Variants in TMCC3 observed in about 807,000 individuals in gnomAD.
TMCC3 encodes the protein transmembrane and coiled-coil domain family 3, also known as transmembrane and coiled-coil domain protein 3.
In TMCC3, 28 loss-of-function variants were observed where a neutral mutation model predicts 40.2. The ratio of observed to expected loss-of-function variants is 0.70; its 90% confidence interval spans 0.52 to 0.95. The LOEUF is 0.95. TMCC3 is among the 40% of genes least tolerant of loss of function. The probability of loss-of-function intolerance (pLI) is 0.00; values close to 1 mark genes in which losing one functional copy is unlikely to be tolerated. For synonymous variants in TMCC3, 255 were observed against 248.5 expected (o/e 1.03, Z -0.25); for missense variants, 554 against 615.2 (o/e 0.90, Z 1.05).
At chr12:94,578,882 G>C (rs2068583798) in intron 2 of TMCC3, among the ~76,000 whole-genome samples, 1 of 152,152 alleles carries the variant, frequency 6.6e-6, no homozygotes, top group South Asian at 2.1e-4. Flanking sequence ...GCTAAAGGAG[G>C]GCCAGGACCT....
At chr12:94,650,330 GC>G (rs1397132254) in intron 1 of TMCC3, 22 bp downstream of exon 1, 12 of 1,253,104 alleles carry the variant, frequency 9.6e-6, no homozygotes, top group South Asian at 7.9e-5. Flanking sequence ...CGCACCCGCC[GC>G]CCCCCAGCCC....
At chr12:94,624,717 T>TAA (rs199973828) in intron 1 of TMCC3, among the ~76,000 whole-genome samples, 11 of 148,894 alleles carry the variant, frequency 7.4e-5, no homozygotes, top group African/African-American at 1.7e-4. Context: ...GTCTCAAAAT[T>TAA]AAAAAAAAAT....
intron 2 of TMCC3, among the ~76,000 whole-genome samples, chr12:94,579,661 T>A (rs1373066555): frequency 6.6e-6 from 1 of 152,230 alleles, no homozygotes; most frequent in Non-Finnish European, 1.5e-5. Flanking sequence ...CCTGACAGAA[T>A]CATTTTATAA....
At chr12:94,646,895 A>G (rs1044191086) in intron 1 of TMCC3, among the ~76,000 whole-genome samples, 6 of 152,174 alleles carry the variant, frequency 3.9e-5, no homozygotes, top group African/African-American at 1.4e-4. Flanking sequence ...AGAAGCTCGA[A>G]GAGCCAGAAT....
chr12:94,639,165 A>G (rs2138883108), intron 1 of TMCC3, among the ~76,000 whole-genome samples: 1 of 152,364 alleles, frequency 6.6e-6, no homozygotes, highest in Middle Eastern at 3.4e-3. Context: ...GAAATAATAC[A>G]GAGAGAAGCA....
intron 1 of TMCC3, among the ~76,000 whole-genome samples, chr12:94,609,060 T>G (rs946448221): frequency 2.0e-5 from 3 of 151,598 alleles, no homozygotes; most frequent in African/African-American, 7.3e-5. Flanking sequence ...CCCTCCAGTC[T>G]CTACAAAAAA....
At chr12:94,629,753 C>T (rs1197888865) in intron 1 of TMCC3, among the ~76,000 whole-genome samples, 1 of 152,194 alleles carries the variant, frequency 6.6e-6, no homozygotes, top group East Asian at 1.9e-4. Context: ...AACCCTTCCC[C>T]AGACCTGGAG....
intron 1 of TMCC3, among the ~76,000 whole-genome samples, chr12:94,640,340 A>C (rs968578948): frequency 2.6e-5 from 4 of 152,082 alleles, no homozygotes; most frequent in African/African-American, 4.8e-5. Flanking sequence ...TGCATCACCA[A>C]GTCCAGCTAA....
chr12:94,625,147 A>AAAT (rs1414671001), intron 1 of TMCC3, among the ~76,000 whole-genome samples: 2 of 151,516 alleles, frequency 1.3e-5, no homozygotes, highest in Non-Finnish European at 2.9e-5. Flanking sequence ...CATCTCAAAA[A>AAAT]AAAAAAAAAA....
intron 1 of TMCC3, among the ~76,000 whole-genome samples, chr12:94,601,271 T>A (rs2068750733): frequency 6.6e-6 from 1 of 151,682 alleles, no homozygotes; most frequent in African/African-American, 2.4e-5. Context: ...TCCCAACACT[T>A]TGGGAGGCTG....
At chr12:94,625,851 C>T (rs2068901871) in intron 1 of TMCC3, among the ~76,000 whole-genome samples, 2 of 152,068 alleles carry the variant, frequency 1.3e-5, no homozygotes, top group Non-Finnish European at 2.9e-5. Flanking sequence ...AAATTATTAC[C>T]TTTGTATTTT....
rs1040652992 is a variant in TMCC3, at chr12:94,620,448, C to T, written c.78+29905G>A. On this transcript the variant is annotated intron_variant, in intron 1 of 3. Coordinates refer to ENST00000261226, the MANE Select transcript of TMCC3 (RefSeq NM_020698.4). ...GATCACAGGAGCCCACCACCATGCC[C>T]AGCTAATTTTTGTATTTTTAGTAGA... Among the ~76,000 whole-genome samples, 2 of 151,762 alleles carry T rather than the reference C, an allele frequency of 1.3e-5. 1 individual carries two copies. Among genetic ancestry groups the T allele is most frequent in the African/African-American group, 4.8e-5 (2 of 41,348 alleles).
intron 1 of TMCC3, among the ~76,000 whole-genome samples, chr12:94,584,502 G>C (rs993473576): frequency 6.6e-6 from 1 of 151,880 alleles, no homozygotes; most frequent in Non-Finnish European, 1.5e-5. Context: ...TAATGCTCTA[G>C]GTGATCCAGA....
intron 3 of TMCC3, among the ~76,000 whole-genome samples, chr12:94,576,919 T>C (rs2068568693): frequency 6.6e-6 from 1 of 152,154 alleles, no homozygotes; most frequent in African/African-American, 2.4e-5. Flanking sequence ...ATCCTACCCA[T>C]TCCTTCCAGT....
At chr12:94,604,526 C>A (rs557455604) in intron 1 of TMCC3, among the ~76,000 whole-genome samples, 2 of 151,498 alleles carry the variant, frequency 1.3e-5, no homozygotes, top group Non-Finnish European at 2.9e-5. Context: ...TGTAACAAGG[C>A]CAGGCACAGT....
chr12:94,641,022 A>C (rs2068987571), intron 1 of TMCC3, among the ~76,000 whole-genome samples: 2 of 152,208 alleles, frequency 1.3e-5, no homozygotes, highest in African/African-American at 4.8e-5. Flanking sequence ...CAACATGGTG[A>C]AACCCTGTCT....
chr12:94,608,828 C>T (rs1368990955), intron 1 of TMCC3, among the ~76,000 whole-genome samples: 1 of 152,210 alleles, frequency 6.6e-6, no homozygotes, highest in Non-Finnish European at 1.5e-5. Flanking sequence ...TGCCTTCCAC[C>T]TCCACCATCT....
intron 1 of TMCC3, among the ~76,000 whole-genome samples, chr12:94,594,091 T>A (rs1346981197): frequency 1.3e-5 from 2 of 152,094 alleles, no homozygotes; most frequent in Non-Finnish European, 2.9e-5. Context: ...GGGGACCCTG[T>A]GTACCTTGAA....
intron 3 of TMCC3, among the ~76,000 whole-genome samples, chr12:94,572,306 C>CTTTTTTT (rs527894810): frequency 1.2e-4 from 6 of 50,662 alleles, no homozygotes; most frequent in African/African-American, 4.5e-4. Flanking sequence ...CCGACTTCAT[C>CTTTTTTT]TTTTTTTTTT....
Sources: allele counts gnomAD v4.1 joint callset (sites outside exome capture counted in the v4.1 genomes callset), GRCh38; gene constraint gnomAD v4.1.1; transcripts MANE v1.5; gene names NCBI Gene and HGNC (gene_info 2026-07-23, HGNC 2026-07-21).